Variants in CDK15 observed in about 807,000 individuals in gnomAD.
CDK15 encodes cyclin dependent kinase 15, also known as cyclin-dependent kinase 15.
In CDK15, 62 loss-of-function variants were observed where a neutral mutation model predicts 60.3. The observed-to-expected ratio is 1.03, with a 90% CI of 0.84 to 1.27. The LOEUF (loss-of-function observed/expected upper bound fraction) is 1.27, where lower values mean the gene tolerates loss of function less well. Ranked by LOEUF, CDK15 falls within the 50% of genes most tolerant of loss-of-function variation. The pLI is 0.00. For synonymous variants in CDK15, 194 were observed against 195.7 expected (o/e 0.99, Z 0.07); for missense variants, 541 against 527.8 (o/e 1.03, Z -0.25).
chr2:201,815,010 GGCACA>G (rs897282782), intron 4 of CDK15, among the ~76,000 whole-genome samples: 51 of 149,988 alleles, frequency 3.4e-4, no homozygotes, highest in African/African-American at 1.2e-3. Context: ...GGAGTGCAAT[GGCACA>G]ATCTTGGCTT....
chr2:201,845,111 T>G (rs1198891362), intron 8 of CDK15, among the ~76,000 whole-genome samples: 4 of 151,378 alleles, frequency 2.6e-5, no homozygotes, highest in African/African-American at 9.7e-5. Context: ...ATTGCACCAC[T>G]GCACTCCAGC....
intron 8 of CDK15, among the ~76,000 whole-genome samples, chr2:201,836,743 A>G (rs1279703253): frequency 6.6e-6 from 1 of 151,624 alleles, no homozygotes; most frequent in African/African-American, 2.4e-5. Flanking sequence ...GTGCATGCAC[A>G]CACATCTGCA....
intron 9 of CDK15, among the ~76,000 whole-genome samples, chr2:201,851,113 G>A (rs1470690776): frequency 1.3e-5 from 2 of 151,864 alleles, no homozygotes; most frequent in African/African-American, 4.8e-5. Context: ...TCAATATGGT[G>A]AAACCCCATC....
chr2:201,820,290 A>T (rs913410892), intron 4 of CDK15, among the ~76,000 whole-genome samples: 1 of 152,210 alleles, frequency 6.6e-6, no homozygotes, highest in Non-Finnish European at 1.5e-5. Flanking sequence ...TATGGAAGGT[A>T]TTCAAAACTC....
At chr2:201,880,216 G>A (rs765374905) in intron 12 of CDK15, 49 bp downstream of exon 12, 15 of 1,594,370 alleles carry the variant, frequency 9.4e-6, no homozygotes, top group Middle Eastern at 3.4e-4. Context: ...GCGTGAGTGC[G>A]TGTGTGTGTA....
At position 201,807,662 on chromosome 2, in the gene CDK15, TTGATCAA is replaced by T; in HGVS notation, c.273+20_273+26del. 6.2e-7 allele frequency: 1 copy of T among 1,613,732 alleles called. No homozygotes were observed. The highest frequency in any genetic ancestry group is 8.5e-7 in the Non-Finnish European group (1 of 1,179,754). On this transcript the variant is annotated intron_variant, in intron 2 of 13. Transcript: ENST00000652192. The stretch of plus-strand genomic sequence containing the variant: ...TCAGTGGGTGAGTGAGCAGCTGATG[TTGATCAA>T]GAAGAATTTAATGTGAGCTTGTCTA...
chr2:201,812,446 C>T, intron 3 of CDK15, 37 bp from the exon 4 acceptor site: 1 of 1,466,310 alleles, frequency 6.8e-7, no homozygotes, highest in South Asian at 1.2e-5. Flanking sequence ...TTTGAACCAC[C>T]TCAATAAGTG....
rs1695822509 is a variant in CDK15, at chr2:201,812,551, C to G, written c.437C>G (p.Ala146Gly). The G allele has an allele frequency of 6.2e-7, 1 of 1,611,998 alleles. No homozygotes were observed. Among genetic ancestry groups the G allele is most frequent in the South Asian group, 1.1e-5 (1 of 90,962 alleles). ...MNAEEGVPFTAIREASLLKGL... is the reference protein window; with the variant it reads ...MNAEEGVPFTGIREASLLKGL... ...GCAGAGGAAGGAGTCCCATTTACAG[C>G]TATCCGAGAAGGTAAGAACAGCAGA... The change falls in exon 4 of 14, where the codon GCT (alanine) becomes GGT (glycine). Residue 146 changes from alanine (A) to glycine (G), a missense_variant. By Grantham distance (60) the Ala-to-Gly change is moderately conservative (BLOSUM62 0). Transcript: ENST00000652192.
At chr2:201,880,383 G>A (rs990425927) in intron 12 of CDK15, among the ~76,000 whole-genome samples, 1 of 152,188 alleles carries the variant, frequency 6.6e-6, no homozygotes, top group Non-Finnish European at 1.5e-5. Flanking sequence ...AAGCACTGGT[G>A]GGGAGAGGTT....
At chr2:201,810,128 C>T (rs1032076898) in intron 3 of CDK15, among the ~76,000 whole-genome samples, 2 of 151,244 alleles carry the variant, frequency 1.3e-5, no homozygotes, top group African/African-American at 2.4e-5. Flanking sequence ...GAGAATTTCA[C>T]AGAACCATGT....
rs1259390528 is a variant in CDK15, at chr2:201,806,669, G to A, written c.5G>A (p.Gly2Asp). 1.3e-6 allele frequency: 2 copies of A among 1,593,536 alleles called. No homozygotes were observed. Among genetic ancestry groups the A allele is most frequent in the Admixed American group, 1.7e-5 (1 of 59,474 alleles). M[G>D]QELCAKTVQP... ...TCTCCTTGAACCTACAAGATTATGG[G>A]TCAAGAGCTGTGTGCAAAGACTGTA... Residue 2 changes from glycine (G) to aspartate (D), a missense_variant, in exon 1 of 14, where the codon GGT (glycine) becomes GAT (aspartate). By Grantham distance (94) the Gly-to-Asp change is moderately conservative. Transcript: ENST00000652192.
rs1699711019 is a variant in CDK15 at position 201,894,073 on chromosome 2, C to CACA, written c.*806_*807insACA. 6.9e-6 allele frequency: 1 copy of CACA among 144,314 alleles called. No individual in the cohort carries two copies. Among genetic ancestry groups the CACA allele is most frequent in the African/African-American group, 2.6e-5 (1 of 38,032 alleles). 8.9% of individuals were successfully genotyped at this position (144,314 alleles called of 1,614,324 possible). A position where few individuals can be genotyped will look rare whatever the true frequency, so the allele number is the denominator to read the frequency against. The stretch of plus-strand genomic sequence containing the variant: ...ATGTAATTTAAGCCCTGTTGCACCA[C>CACA]CACACACACACACACACACACACAC... On this transcript the variant is annotated 3_prime_UTR_variant, in exon 14 of 14. Coordinates refer to ENST00000652192, the MANE Select transcript of CDK15 (RefSeq NM_001366386.2).
chr2:201,889,160 G>A (rs1699557949), intron 12 of CDK15: 1 of 985,296 alleles, frequency 1.0e-6, no homozygotes, highest in African/African-American at 1.7e-5. Flanking sequence ...CCCTTTGGGT[G>A]TGAGCAGCTT....
At chr2:201,848,641 A>G (rs1471905721) in intron 9 of CDK15, among the ~76,000 whole-genome samples, 1 of 152,112 alleles carries the variant, frequency 6.6e-6, no homozygotes, top group East Asian at 1.9e-4. Context: ...TATAAGTGGA[A>G]TCATACAAAT....
At chr2:201,827,763 G>C (rs927805620) in intron 6 of CDK15, among the ~76,000 whole-genome samples, 1 of 152,076 alleles carries the variant, frequency 6.6e-6, no homozygotes, top group Non-Finnish European at 1.5e-5. Context: ...TGAGCCAAAG[G>C]GTTTATTGAT....
At chr2:201,812,173 C>CAAAAAAAAAAAAAAAAAAAAAAAAA (rs56808760) in intron 3 of CDK15, among the ~76,000 whole-genome samples, 1 of 96,820 alleles carries the variant, frequency 1.0e-5, no homozygotes, top group African/African-American at 3.6e-5. Flanking sequence ...GATTCTGTCT[C>CAAAAAAAAAAAAAAAAAAAAAAAAA]AAAAAAAAAA....
chr2:201,882,979 A>C lies in CDK15; in HGVS notation c.1198+2812A>C, dbSNP rs1049533124. Among the ~76,000 whole-genome samples, 3 of 152,108 alleles carry C rather than the reference A, an allele frequency of 2.0e-5. No individual in the cohort carries two copies. The highest frequency in any genetic ancestry group is 4.4e-5 in the Non-Finnish European group (3 of 68,036). On this transcript the variant is annotated intron_variant, in intron 12 of 13. Transcript: ENST00000652192. The surrounding 1 kb of genome is among the most constrained non-coding windows in gnomAD (Gnocchi z 4.0). ...AGACAGAGCACACCAGTGGGTAATC[A>C]CAGTTCCCAATCTGCAGGGACATAG...
intron 9 of CDK15, among the ~76,000 whole-genome samples, chr2:201,848,108 CAA>C (rs1208781191): frequency 2.6e-5 from 4 of 151,522 alleles, no homozygotes; most frequent in African/African-American, 7.3e-5. Flanking sequence ...GGCTGGGGAA[CAA>C]AAAAAAGACA....
intron 8 of CDK15, among the ~76,000 whole-genome samples, chr2:201,846,582 C>T (rs1297532100): frequency 2.0e-5 from 3 of 146,436 alleles, no homozygotes; most frequent in South Asian, 2.2e-4. Context: ...TTTTTTTAAA[C>T]TCCTAGGAAC....
Sources: gnomAD v4.1 joint callset for allele counts (sites outside exome capture counted in the v4.1 genomes callset) on GRCh38, gnomAD v4.1.1 for gene constraint, Gnocchi (gnomAD v3.1) non-coding constraint, MANE v1.5 for transcripts, NCBI Gene and HGNC (gene_info 2026-07-23, HGNC 2026-07-21) for gene names.